FTO: variants seen among roughly 807,000 people sequenced by gnomAD.
FTO encodes the protein FTO alpha-ketoglutarate dependent dioxygenase.
A neutral mutation model predicts 63.9 loss-of-function variants in FTO; 47 were observed. That is an observed-to-expected ratio of 0.74 (90% CI 0.58 to 0.94). The LOEUF is 0.94. Ranked by LOEUF, FTO falls within the 40% of genes least tolerant of loss-of-function variation. The probability of loss-of-function intolerance (pLI) is 0.00; values close to 1 mark genes in which losing one functional copy is unlikely to be tolerated. For missense variants in FTO, 562 were observed against 618.1 expected, an observed-to-expected ratio of 0.91 and a Z score of 0.96; for synonymous variants, 207 against 224.4, an observed-to-expected ratio of 0.92 and a Z score of 0.69.
At chr16:53,722,418 G>A (rs565932145) in intron 1 of FTO, among the ~76,000 whole-genome samples, 1 of 152,250 alleles carries the variant, frequency 6.6e-6, no homozygotes, top group Admixed American at 6.5e-5. Context: ...ATGGAAACAT[G>A]TATAGATTGG....
chr16:53,736,360 A>G (rs1435886606), intron 1 of FTO, among the ~76,000 whole-genome samples: 1 of 152,022 alleles, frequency 6.6e-6, no homozygotes, highest in East Asian at 1.9e-4. Flanking sequence ...ATAATTAAAA[A>G]AAAAAAAAAA....
intron 1 of FTO, among the ~76,000 whole-genome samples, chr16:53,766,474 C>T (rs188356631): frequency 2.0e-3 from 302 of 152,214 alleles, no homozygotes; most frequent in Admixed American, 3.6e-3. Context: ...TTACCCATTT[C>T]AGTGCTCCAA....
chr16:53,909,332 G>A (rs2081621590), intron 7 of FTO, among the ~76,000 whole-genome samples: 1 of 152,110 alleles, frequency 6.6e-6, no homozygotes, highest in Non-Finnish European at 1.5e-5. Context: ...ACATATACAT[G>A]AATAAGGCAT....
chr16:54,085,780 C>T (rs2086243003), intron 8 of FTO, among the ~76,000 whole-genome samples: 1 of 152,174 alleles, frequency 6.6e-6, no homozygotes, highest in Non-Finnish European at 1.5e-5. Context: ...TACATACCCT[C>T]CGACTCGTCT....
At chr16:53,890,128 GAAAAGTGGTA>G (rs2081109834) in intron 7 of FTO, among the ~76,000 whole-genome samples, 1 of 152,142 alleles carries the variant, frequency 6.6e-6, no homozygotes, top group Non-Finnish European at 1.5e-5. Context: ...GAATGTAGTA[GAAAAGTGGTA>G]AAAGCCTGCA....
chr16:53,959,919 A>G (rs1213901909), intron 8 of FTO, among the ~76,000 whole-genome samples: 2 of 152,168 alleles, frequency 1.3e-5, no homozygotes, highest in Non-Finnish European at 2.9e-5. Context: ...GCAAAGTGTG[A>G]TAGAGAGTGA....
chr16:53,877,779 A>G lies in FTO; in HGVS notation c.976-2065A>G, dbSNP rs375369001. Among the ~76,000 whole-genome samples, 25 of 151,928 alleles carry G rather than the reference A, an allele frequency of 1.6e-4. No individual in the cohort carries two copies. In the East Asian group the frequency reaches 2.3e-3, roughly 14 times the overall value. ...CTAGGCCTGATTATAGATTATTTAC[A>G]TAAAACAAAACACTATACATCCAGA... On this transcript the variant is annotated intron_variant, in intron 5 of 8. Coordinates refer to ENST00000471389, the MANE Select transcript of FTO (RefSeq NM_001080432.3).
chr16:53,861,167 A>G (rs1441293756), intron 4 of FTO, among the ~76,000 whole-genome samples: 1 of 152,136 alleles, frequency 6.6e-6, no homozygotes, highest in African/African-American at 2.4e-5. Context: ...CCATAGGAAA[A>G]ATTGCTAGAA....
chr16:53,957,670 T>C (rs1464278551), intron 8 of FTO, among the ~76,000 whole-genome samples: 2 of 152,254 alleles, frequency 1.3e-5, no homozygotes, highest in Non-Finnish European at 2.9e-5. Flanking sequence ...AATCAAAAGA[T>C]AGCTTATTCA....
chr16:54,030,498 T>G (rs749707084), intron 8 of FTO, among the ~76,000 whole-genome samples: 1 of 152,240 alleles, frequency 6.6e-6, no homozygotes, highest in Non-Finnish European at 1.5e-5. Context: ...TTTGGACAAT[T>G]TGAGTGTTCT....
intron 8 of FTO, among the ~76,000 whole-genome samples, chr16:54,106,473 CAT>C (rs1455149985): frequency 1.4e-5 from 2 of 144,078 alleles, no homozygotes; most frequent in African/African-American, 5.1e-5. Flanking sequence ...TTTATATACA[CAT>C]ATAATATGTA....
At chr16:54,092,053 G>T (rs147303691) in intron 8 of FTO, among the ~76,000 whole-genome samples, 1 of 152,336 alleles carries the variant, frequency 6.6e-6, no homozygotes, top group East Asian at 1.9e-4. Context: ...AAGGTGGGAG[G>T]ATCCCTTGAG....
intron 8 of FTO, among the ~76,000 whole-genome samples, chr16:54,049,457 A>T (rs2085263324): frequency 6.6e-6 from 1 of 152,204 alleles, no homozygotes; most frequent in Non-Finnish European, 1.5e-5. Context: ...TTTCAGGCTG[A>T]TCTACCACCT....
chr16:54,082,885 C>T (rs574940491), intron 8 of FTO, among the ~76,000 whole-genome samples: 1 of 152,210 alleles, frequency 6.6e-6, no homozygotes, highest in Admixed American at 6.5e-5. Context: ...TAAGAATTAC[C>T]TTTGGGTTTT....
chr16:53,826,594 T>G (rs1019357167), intron 3 of FTO, 103 bp downstream of exon 3: 5 of 1,079,030 alleles, frequency 4.6e-6, no homozygotes, highest in Non-Finnish European at 5.6e-6. Context: ...TGTTTGCATG[T>G]GTGCTTGCGT....
intron 8 of FTO, among the ~76,000 whole-genome samples, chr16:53,954,883 G>A (rs2082890471): frequency 1.3e-5 from 2 of 151,896 alleles, no homozygotes; most frequent in South Asian, 4.2e-4. Flanking sequence ...AGAGTGAGTG[G>A]CATGATTTAG....
intron 1 of FTO, among the ~76,000 whole-genome samples, chr16:53,718,338 G>GT (rs369458287): frequency 1.3e-5 from 2 of 151,980 alleles, no homozygotes; most frequent in African/African-American, 4.8e-5. Context: ...ACTTAAGAAA[G>GT]TTTTTTATGT....
rs529903559 is a variant in FTO at position 53,754,024 on chromosome 16, C to T, written c.45+49795C>T. 1.4e-4 allele frequency among the ~76,000 whole-genome samples: 22 copies of T among 152,280 alleles called. No homozygotes were observed. In the East Asian group the frequency reaches 1.7e-3, roughly 12 times the overall value. ...ATATCTTGCCTGTATCGTTAGAGAACGGGGTTTGGAGGTGTTCATGACTTA... is the reference window on the plus strand; with the variant it reads ...ATATCTTGCCTGTATCGTTAGAGAATGGGGTTTGGAGGTGTTCATGACTTA... On this transcript the variant is annotated intron_variant, in intron 1 of 8. Transcript: ENST00000471389.
At chr16:53,825,224 G>C (rs1313045069) in intron 2 of FTO, among the ~76,000 whole-genome samples, 1 of 152,116 alleles carries the variant, frequency 6.6e-6, no homozygotes, top group Non-Finnish European at 1.5e-5. Flanking sequence ...TTCTCTTTTT[G>C]TGAAAGTGTT....
Sources: allele counts gnomAD v4.1 joint callset (sites outside exome capture counted in the v4.1 genomes callset), GRCh38; gene constraint gnomAD v4.1.1; transcripts MANE v1.5; gene names NCBI Gene and HGNC (gene_info 2026-07-23, HGNC 2026-07-21).